Variants in STRIP1 observed in about 807,000 individuals in gnomAD.
STRIP1 encodes the protein striatin interacting protein 1.
A neutral mutation model predicts 106.2 loss-of-function variants in STRIP1; 63 were observed. That is an observed-to-expected ratio of 0.59 (90% confidence interval 0.48 to 0.73). The LOEUF (loss-of-function observed/expected upper bound fraction) is 0.73. STRIP1 is among the 30% of genes least tolerant of loss of function. The probability of loss-of-function intolerance (pLI) is 0.00; values close to 1 mark genes in which losing one functional copy is unlikely to be tolerated. For missense variants in STRIP1, 857 were observed against 1,074.8 expected, an observed-to-expected ratio of 0.80 and a Z score of 2.83; for synonymous variants, 390 against 413.0, an observed-to-expected ratio of 0.94 and a Z score of 0.67.
At chr1:110,037,374 C>G (rs112683975) in intron 1 of STRIP1, among the ~76,000 whole-genome samples, 147 of 152,262 alleles carry the variant, frequency 9.7e-4, no homozygotes, top group African/African-American at 3.3e-3. Flanking sequence ...TGTCAGTTCT[C>G]ACTGAAATTT....
intron 2 of STRIP1, 62 bp downstream of exon 2, chr1:110,038,022 T>C (rs1482926862): frequency 3.1e-6 from 3 of 962,424 alleles, no homozygotes; most frequent in Non-Finnish European, 4.8e-6. Context: ...TTTAATAAAA[T>C]TAATAATGAA....
chr1:110,052,317 T>C (rs945993158), intron 20 of STRIP1, among the ~76,000 whole-genome samples: 4 of 152,156 alleles, frequency 2.6e-5, no homozygotes, highest in Non-Finnish European at 5.9e-5. Context: ...TTGCCCAGGC[T>C]AGAGTGCGAT....
intron 17 of STRIP1, chr1:110,050,100 G>A: frequency 7.7e-6 from 4 of 518,776 alleles, no homozygotes; most frequent in Non-Finnish European, 1.0e-5. Flanking sequence ...AGCTGTGAGG[G>A]TCTCTTCCCC....
In STRIP1 at chr1:110,046,679, G is replaced by A. The variant is rs1653035848; in HGVS notation, c.1417-1G>A. 1 of 1,613,120 alleles carries A rather than the reference G, an allele frequency of 6.2e-7. No homozygotes were observed. Among genetic ancestry groups the A allele is most frequent in the Admixed American group, 1.7e-5 (1 of 59,980 alleles). The stretch of plus-strand genomic sequence containing the variant: ...CCTTCTTTTCCCATCTCTCCCACCA[G>A]CACAAGTACACGTCGATTGCAGAGG... On this transcript the variant is annotated splice_acceptor_variant, in intron 12 of 20. Transcript: ENST00000369795. LOFTEE classifies it high-confidence loss of function.
intron 15 of STRIP1, among the ~76,000 whole-genome samples, chr1:110,048,458 C>T (rs1381174802): frequency 6.6e-6 from 1 of 152,200 alleles, no homozygotes; most frequent in Non-Finnish European, 1.5e-5. Flanking sequence ...GGCCACCAGC[C>T]CTGAGCCCAG....
rs1653312715 is a variant in STRIP1, at chr1:110,051,807, G to A, written c.2186G>A (p.Arg729Gln). Residue 729 changes from arginine to glutamine, a missense_variant, in exon 20 of 21, where the codon CGA becomes CAA. By Grantham distance (43) the Arg-to-Gln change is conservative (BLOSUM62 1). Around this residue, in one of 2 missense-constraint regions of STRIP1, gnomAD observed 750 missense variants for 989.8 expected, o/e 0.76. Coordinates refer to ENST00000369795, the MANE Select transcript of STRIP1 (RefSeq NM_033088.4). ...ACCAAATACTTGGGGCGGCAGTGGC[G>A]AAAGAGCAACATGAAGACCATGTCT... ...VQTKYLGRQW[R>Q]KSNMKTMSAI... 3 of 1,613,774 alleles carry A rather than the reference G, an allele frequency of 1.9e-6. No homozygotes were observed. Among genetic ancestry groups the A allele is most frequent in the African/African-American group, 1.3e-5 (1 of 74,998 alleles).
rs3085770 is a variant in STRIP1 at position 110,038,071 on chromosome 1, AATATATATATATATATATATAT to A, written c.250+132_250+153del. 1,214 of 130,386 alleles carry A rather than the reference AATATATATATATATATATATAT, an allele frequency of 9.3e-3. 49 individuals are homozygous for A. The highest frequency in any genetic ancestry group is 0.028 in the African/African-American group (633 of 22,434). The allele number at this position is 130,386 out of a possible 1,614,324, so 8.1% of individuals were successfully genotyped here. A position where few individuals can be genotyped will look rare whatever the true frequency, so the allele number is the denominator to read the frequency against. On this transcript the variant is annotated intron_variant, in intron 2 of 20. Coordinates refer to ENST00000369795, the MANE Select transcript of STRIP1 (RefSeq NM_033088.4). Reference sequence around the variant, plus strand: ...TTCATTGCTTTCCCTAGTTCTATCAAATATATATATATATATATATATATATATATATATATATATATGTATA... The same window carrying A: ...TTCATTGCTTTCCCTAGTTCTATCAAATATATATATATATATATATGTATA...
In STRIP1 at chr1:110,054,103, C is replaced by T. The variant is rs1265947302; in HGVS notation, c.*191C>T. 4.9e-6 allele frequency: 3 copies of T among 610,732 alleles called. No individual in the cohort carries two copies. The highest frequency in any genetic ancestry group is 8.6e-6 in the Non-Finnish European group (3 of 349,698). 37.8% of individuals were successfully genotyped at this position (610,732 alleles called of 1,614,324 possible). On this transcript the variant is annotated 3_prime_UTR_variant, in exon 21 of 21. Coordinates refer to ENST00000369795, the MANE Select transcript of STRIP1 (RefSeq NM_033088.4). ...CCCCTTGGTTCCCAGGGTCCTGCTC[C>T]GAAGCAGTCATCTCTGCCTGAGATC...
intron 8 of STRIP1, among the ~76,000 whole-genome samples, chr1:110,042,323 C>T (rs1652802841): frequency 6.6e-6 from 1 of 152,138 alleles, no homozygotes; most frequent in Admixed American, 6.5e-5. Context: ...GGACTGGGTG[C>T]CAGAGTGGGC....
intron 17 of STRIP1, 168 bp from the exon 18 acceptor site, chr1:110,050,175 T>C (rs1449024204): frequency 8.0e-6 from 5 of 624,300 alleles, no homozygotes; most frequent in Non-Finnish European, 8.6e-6. Flanking sequence ...GTAACAGATA[T>C]TTCCTCATCT....
intron 1 of STRIP1, among the ~76,000 whole-genome samples, chr1:110,036,449 TCC>T (rs1368920680): frequency 4.0e-5 from 6 of 151,456 alleles, no homozygotes; most frequent in Non-Finnish European, 5.9e-5. Flanking sequence ...AGCGAAACTC[TCC>T]CCGTCTCAAA....
chr1:110,047,446 C>T, intron 13 of STRIP1, 96 bp from the exon 14 acceptor site: 2 of 872,606 alleles, frequency 2.3e-6, no homozygotes, highest in Non-Finnish European at 3.8e-6. Flanking sequence ...TTATGTACAT[C>T]ACTGTTTACA....
At chr1:110,049,632 T>C in intron 17 of STRIP1, 72 bp downstream of exon 17, 1 of 1,120,214 alleles carries the variant, frequency 8.9e-7, no homozygotes, top group Non-Finnish European at 1.3e-6. Flanking sequence ...TATTTCCCAC[T>C]GTGTCCATTT....
chr1:110,047,520 C>T, intron 13 of STRIP1, 22 bp from the exon 14 acceptor site: 2 of 1,598,258 alleles, frequency 1.3e-6, no homozygotes, highest in Non-Finnish European at 1.7e-6. Flanking sequence ...GGGTTTTATG[C>T]TTGTACTCAT....
intron 20 of STRIP1, 51 bp from the exon 21 acceptor site, chr1:110,053,614 A>T: frequency 6.3e-7 from 1 of 1,598,912 alleles, no homozygotes; most frequent in East Asian, 2.2e-5. Context: ...ATCCATGGGG[A>T]GCTGCTACAG....
chr1:110,043,016 G>T, intron 8 of STRIP1, 72 bp from the exon 9 acceptor site: 1 of 1,427,790 alleles, frequency 7.0e-7, no homozygotes, highest in Non-Finnish European at 9.5e-7. Flanking sequence ...ATGTTTCTGA[G>T]CCTGACACAA....
chr1:110,046,196 C>T (rs1653011294), intron 12 of STRIP1, among the ~76,000 whole-genome samples: 1 of 152,074 alleles, frequency 6.6e-6, no homozygotes, highest in Non-Finnish European at 1.5e-5. Flanking sequence ...GAGGAAGGGG[C>T]CCTTTTAGAA....
rs1344625727 is a variant in STRIP1, at chr1:110,046,857, C to T, written c.1488+106C>T. The T allele has an allele frequency of 7.4e-6, 6 of 807,374 alleles. No individual in the cohort carries two copies. The African/African-American group carries it at 8.6e-5, about 12-fold the overall frequency. 50.0% of individuals were successfully genotyped at this position (807,374 alleles called of 1,614,324 possible). ...ATGAGGTCAGGAGATTGAGACCATC[C>T]TGGCTAACATGGTGAAACCCCGTCT... On this transcript the variant is annotated intron_variant, in intron 13 of 20. Coordinates refer to ENST00000369795, the MANE Select transcript of STRIP1 (RefSeq NM_033088.4).
intron 2 of STRIP1, 38 bp from the exon 3 acceptor site, chr1:110,038,645 G>A (rs201134109): frequency 1.3e-6 from 2 of 1,580,676 alleles, no homozygotes; most frequent in African/African-American, 2.7e-5. Context: ...GTGCAATGCA[G>A]ACATGGAACC....
Sources: gnomAD v4.1 joint callset for allele counts (sites outside exome capture counted in the v4.1 genomes callset) on GRCh38, gnomAD v4.1.1 for gene constraint, gnomAD v4.1.1 regional missense constraint, MANE v1.5 for transcripts, NCBI Gene and HGNC (gene_info 2026-07-23, HGNC 2026-07-21) for gene names.